The following ADAMTSL1 variants were observed in gnomAD, a reference collection of about 807,000 sequenced individuals.
The protein encoded by ADAMTSL1 is ADAMTS like 1, also known as ADAMTS-like protein 1.
Under a neutral mutation model 201.8 loss-of-function variants are expected in ADAMTSL1, and 126 were observed. The ratio of observed to expected loss-of-function variants is 0.62; its 90% CI spans 0.54 to 0.72. The LOEUF (loss-of-function observed/expected upper bound fraction) is 0.72. Ranked by LOEUF, ADAMTSL1 falls within the 30% of genes least tolerant of loss-of-function variation. The probability of loss-of-function intolerance (pLI) is 0.00; values close to 1 mark genes in which losing one functional copy is unlikely to be tolerated. For missense variants in ADAMTSL1, 2,679 were observed against 2,277.8 expected (o/e 1.18, Z -3.59); for synonymous variants, 1,121 against 903.4 (o/e 1.24, Z -4.32).
intron 1 of ADAMTSL1, among the ~76,000 whole-genome samples, chr9:17,924,419 G>A (rs543373677): frequency 0.012 from 1,767 of 152,232 alleles, 29 homozygotes; most frequent in African/African-American, 0.041. Context: ...GCGTAGAGGT[G>A]TTTGCAGTAT....
Position 18,585,697 on chromosome 9 carries a change from G to A in ADAMTSL1, c.474+11431G>A, listed in dbSNP as rs184207759. Among the ~76,000 whole-genome samples, 1,230 of 152,146 alleles carry A rather than the reference G, an allele frequency of 8.1e-3. 16 individuals carry two copies. The highest frequency in any genetic ancestry group is 0.029 in the African/African-American group (1,185 of 41,516). On this transcript the variant is annotated intron_variant, in intron 4 of 28. Coordinates refer to ENST00000380548, the MANE Select transcript of ADAMTSL1 (RefSeq NM_001040272.6). ...TATCCTTGATGAATATTGATGCAAAGATCCTCAACAAAATACTGGCAAACC... is the reference window on the plus strand; with the variant it reads ...TATCCTTGATGAATATTGATGCAAAAATCCTCAACAAAATACTGGCAAACC...
intron 23 of ADAMTSL1, among the ~76,000 whole-genome samples, chr9:18,874,437 G>C (rs957443903): frequency 6.6e-6 from 1 of 152,042 alleles, no homozygotes; most frequent in Non-Finnish European, 1.5e-5. Context: ...GTCATAGATG[G>C]CTTTTATTAC....
intron 2 of ADAMTSL1, among the ~76,000 whole-genome samples, chr9:18,514,330 T>TC (rs200441611): frequency 6.0e-4 from 81 of 136,026 alleles, no homozygotes; most frequent in Non-Finnish European, 1.1e-3. Context: ...TTTCTTTCTT[T>TC]TTTTTTTTTT....
intron 23 of ADAMTSL1, among the ~76,000 whole-genome samples, chr9:18,843,827 C>G (rs541703019): frequency 6.6e-6 from 1 of 151,182 alleles, no homozygotes; most frequent in Non-Finnish European, 1.5e-5. Context: ...TTGATCACAT[C>G]AGCTCCTGAG....
intron 20 of ADAMTSL1, among the ~76,000 whole-genome samples, chr9:18,806,476 T>G (rs1823126727): frequency 1.3e-5 from 2 of 152,216 alleles, no homozygotes; most frequent in African/African-American, 4.8e-5. Context: ...CATGGCAGTT[T>G]AAACAAAGTT....
chr9:18,177,397 G>A (rs7025808), intron 2 of ADAMTSL1, among the ~76,000 whole-genome samples: 89,261 of 152,070 alleles, frequency 0.59, 26,216 homozygotes, highest in Admixed American at 0.61. Flanking sequence ...TGATGGAAAT[G>A]TGGCTAAAAC....
At chr9:18,521,690 C>T (rs1255057942) in intron 2 of ADAMTSL1, among the ~76,000 whole-genome samples, 1 of 151,944 alleles carries the variant, frequency 6.6e-6, no homozygotes, top group Admixed American at 6.6e-5. Context: ...CAAGCCCCCT[C>T]AAAATAATGC....
At chr9:18,697,384 CTA>C (rs981622979) in intron 13 of ADAMTSL1, among the ~76,000 whole-genome samples, 1 of 152,170 alleles carries the variant, frequency 6.6e-6, no homozygotes, top group African/African-American at 2.4e-5. Context: ...ACTTCTATCT[CTA>C]TGGAGTTGCA....
At chr9:18,611,810 T>G (rs1346148091) in intron 4 of ADAMTSL1, among the ~76,000 whole-genome samples, 2 of 152,198 alleles carry the variant, frequency 1.3e-5, no homozygotes, top group African/African-American at 4.8e-5. Flanking sequence ...TTTATTCCTA[T>G]GAAACCACGT....
chr9:18,215,234 C>G (rs1296306606), intron 2 of ADAMTSL1, among the ~76,000 whole-genome samples: 1 of 151,926 alleles, frequency 6.6e-6, no homozygotes, highest in Non-Finnish European at 1.5e-5. Flanking sequence ...TTTGACAGTT[C>G]CAGTAGTTAC....
At chr9:18,249,713 C>T (rs978077332) in intron 2 of ADAMTSL1, among the ~76,000 whole-genome samples, 11 of 152,144 alleles carry the variant, frequency 7.2e-5, no homozygotes, top group East Asian at 5.8e-4. Flanking sequence ...GAAAACCCTA[C>T]GGATACATAG....
intron 2 of ADAMTSL1, among the ~76,000 whole-genome samples, chr9:18,339,846 C>T (rs1835396919): frequency 6.6e-6 from 1 of 152,090 alleles, no homozygotes; most frequent in Admixed American, 6.6e-5. Flanking sequence ...AAAAACCATT[C>T]TCCATCCATC....
At chr9:18,469,641 C>T (rs1248129835), upstream of ADAMTSL1, among the ~76,000 whole-genome samples, 1 of 152,184 alleles carries the variant, frequency 6.6e-6, no homozygotes, top group African/African-American at 2.4e-5. Flanking sequence ...AGGGCCATGC[C>T]CACCTTCCCT....
chr9:18,370,090 G>A (rs1423531837), intron 2 of ADAMTSL1, among the ~76,000 whole-genome samples: 2 of 152,060 alleles, frequency 1.3e-5, no homozygotes, highest in East Asian at 1.9e-4. Flanking sequence ...GACCAGCCTG[G>A]CCAACATGGT....
At chr9:18,227,643 C>CA (rs1455607583) in intron 2 of ADAMTSL1, among the ~76,000 whole-genome samples, 2 of 152,132 alleles carry the variant, frequency 1.3e-5, no homozygotes, top group Non-Finnish European at 2.9e-5. Context: ...GTCTTTTTCA[C>CA]AAAGGCTTTT....
chr9:18,034,756 G>T (rs1031588562), intron 1 of ADAMTSL1, among the ~76,000 whole-genome samples: 1 of 152,058 alleles, frequency 6.6e-6, no homozygotes, highest in Admixed American at 6.6e-5. Context: ...TACCAAGATT[G>T]TATAAGTTGT....
At chr9:18,303,199 G>C (rs1833771213) in intron 2 of ADAMTSL1, among the ~76,000 whole-genome samples, 1 of 152,190 alleles carries the variant, frequency 6.6e-6, no homozygotes, top group African/African-American at 2.4e-5. Context: ...AACCCTCAAG[G>C]AGTGTTCATG....
chr9:18,082,413 G>A (rs1288459881), intron 1 of ADAMTSL1, among the ~76,000 whole-genome samples: 1 of 152,162 alleles, frequency 6.6e-6, no homozygotes, highest in African/African-American at 2.4e-5. Flanking sequence ...CTGGATTCAA[G>A]TGATTCTTCT....
chr9:18,358,039 C>A (rs1227097138), intron 2 of ADAMTSL1, among the ~76,000 whole-genome samples: 1 of 152,132 alleles, frequency 6.6e-6, no homozygotes, highest in African/African-American at 2.4e-5. Context: ...AGGCTTTGGA[C>A]CAAATAGACC....
Sources: allele counts gnomAD v4.1 joint callset (sites outside exome capture counted in the v4.1 genomes callset), GRCh38; gene constraint gnomAD v4.1.1; transcripts MANE v1.5; gene names NCBI Gene and HGNC (gene_info 2026-07-23, HGNC 2026-07-21).